Variants in CTR9 observed in about 807,000 individuals in gnomAD.
CTR9 encodes CTR9 component of Paf1/RNA polymerase II complex.
In CTR9, 41 loss-of-function variants were observed where a neutral mutation model predicts 152.1. The ratio of observed to expected loss-of-function variants is 0.27; its 90% CI spans 0.21 to 0.35. The LOEUF (loss-of-function observed/expected upper bound fraction) is 0.35, where lower values mean the gene tolerates loss of function less well. Among genes scored for constraint, CTR9 ranks in the 10% least tolerant of loss-of-function variants. CTR9 has a pLI of 1.00. For synonymous variants in CTR9, 476 were observed against 496.2 expected (o/e 0.96, Z 0.54); for missense variants, 917 against 1,424.4 (o/e 0.64, Z 5.73).
chr11:10,771,567 G>A lies in CTR9; in HGVS notation c.2395G>A (p.Val799Met). 1.9e-6 allele frequency: 3 copies of A among 1,611,128 alleles called. No individual in the cohort carries two copies. Among genetic ancestry groups the A allele is most frequent in the Non-Finnish European group, 1.7e-6 (2 of 1,177,352 alleles). ...AHRYFSYLSKVGDKMRFDLAL... is the reference protein window; with the variant it reads ...AHRYFSYLSKMGDKMRFDLAL... ...TAGATACTTCAGTTATTTGAGTAAAGTGGGAGATAAAATGAGATTTGATTT... is the reference window on the plus strand; with the variant it reads ...TAGATACTTCAGTTATTTGAGTAAAATGGGAGATAAAATGAGATTTGATTT... The change falls in exon 19 of 25, where the codon GTG becomes ATG. Residue 799 changes from valine to methionine, a missense_variant. Around this residue, in one of 9 missense-constraint regions of CTR9, gnomAD observed 106 missense variants for 157.8 expected, o/e 0.67. Coordinates refer to ENST00000361367, the MANE Select transcript of CTR9 (RefSeq NM_014633.5).
chr11:10,768,641 A>G (rs756624184), intron 16 of CTR9, 150 bp downstream of exon 16: 2 of 802,338 alleles, frequency 2.5e-6, no homozygotes, highest in Non-Finnish European at 3.6e-6. Context: ...TGCTAAGGCC[A>G]GGCTTTGGTA....
intron 21 of CTR9, 86 bp from the exon 22 acceptor site, chr11:10,773,926 G>A (rs1863186948): frequency 1.2e-5 from 9 of 761,280 alleles, no homozygotes; most frequent in Non-Finnish European, 1.4e-5. Context: ...AAATGACAAT[G>A]GATATGGCCC....
intron 12 of CTR9, 195 bp from the exon 13 acceptor site, chr11:10,766,207 A>G (rs1473093058): frequency 3.6e-6 from 2 of 550,152 alleles, no homozygotes; most frequent in Non-Finnish European, 6.3e-6. Context: ...TAGATTTCAA[A>G]CAGTAAGTCT....
chr11:10,760,128 T>TA (rs780929585), intron 5 of CTR9, 45 bp from the exon 6 acceptor site: 6 of 1,594,870 alleles, frequency 3.8e-6, no homozygotes, highest in Non-Finnish European at 5.1e-6. Flanking sequence ...AATTGAACTC[T>TA]AAAAAATGCC....
chr11:10,775,088 A>G (rs1299205078), intron 22 of CTR9, 119 bp from the exon 23 acceptor site: 1 of 754,674 alleles, frequency 1.3e-6, no homozygotes, highest in African/African-American at 1.8e-5. Flanking sequence ...GTACAGTATG[A>G]TTGAGGACAG....
In CTR9 at chr11:10,775,503, A is replaced by C. The variant is rs374942142; in HGVS notation, c.2983-18A>C. On this transcript the variant is annotated intron_variant, in intron 23 of 24. Transcript: ENST00000361367. ...ATGTAAGAGTCTTGACTAATCTATT[A>C]TGTTTGACATTCTTTAGCCCAAGCC... The C allele has an allele frequency of 1.4e-5, 22 of 1,592,726 alleles. No homozygotes were observed. Among genetic ancestry groups the C allele is most frequent in the Non-Finnish European group, 1.9e-5 (22 of 1,163,272 alleles).
chr11:10,770,184 T>TAA, intron 16 of CTR9, 26 bp from the exon 17 acceptor site: 2 of 1,482,902 alleles, frequency 1.3e-6, no homozygotes, highest in Non-Finnish European at 1.9e-6. Flanking sequence ...TGTTGTGTTT[T>TAA]AATTAACTTT....
chr11:10,762,082 A>G (rs772611433), intron 7 of CTR9, 28 bp downstream of exon 7: 57 of 1,412,530 alleles, frequency 4.0e-5, no homozygotes, highest in Non-Finnish European at 5.3e-5. Context: ...TTAAATTCTG[A>G]TTTTTGTTTT....
Position 10,751,324 on chromosome 11 carries a change from G to C in CTR9, c.-89G>C. On this transcript the variant is annotated 5_prime_UTR_variant, in exon 1 of 25. Transcript: ENST00000361367. ...GGCGGCAGTCAAGACCAGAGCCGGA[G>C]CCGTCACTCACCTCTGGATTAGCCT... 1 of 1,389,010 alleles carries C rather than the reference G, an allele frequency of 7.2e-7. No individual in the cohort carries two copies. The highest frequency in any genetic ancestry group is 1.0e-6 in the Non-Finnish European group (1 of 981,704). 86.0% of individuals were successfully genotyped at this position (1,389,010 alleles called of 1,614,324 possible).
intron 19 of CTR9, 52 bp downstream of exon 19, chr11:10,771,668 A>G (rs777494750): frequency 6.7e-6 from 9 of 1,343,862 alleles, no homozygotes; most frequent in Non-Finnish European, 9.6e-6. Context: ...TGATATTTAC[A>G]TGGGCTGGGA....
rs141609504 is a variant in CTR9, at chr11:10,779,036, G to A, written c.3453G>A (p.Ser1151=). 4.3e-5 allele frequency: 69 copies of A among 1,614,008 alleles called. No homozygotes were observed. The African/African-American group carries it at 6.8e-4, about 16-fold the overall frequency. The change falls in exon 25 of 25, where the codon TCG becomes TCA. Residue 1151 remains serine (S), a synonymous_variant. Transcript: ENST00000361367. ...EGSGQGSGNE[S]EPEGSNNEAS... ...CTGGCCAAGGCTCTGGAAATGAATC[G>A]GAACCAGAGGGATCCAACAATGAGG...
In CTR9 at chr11:10,765,170, G is replaced by T. The variant is rs539062539; in HGVS notation, c.1597+439G>T. On this transcript the variant is annotated intron_variant, in intron 12 of 24. Coordinates refer to ENST00000361367, the MANE Select transcript of CTR9 (RefSeq NM_014633.5). Reference sequence around the variant, plus strand: ...CGCAACCTATACGTTATAAAATAAGGAAAGTTTTTAATTAAAAAATAATTT... The same window carrying T: ...CGCAACCTATACGTTATAAAATAAGTAAAGTTTTTAATTAAAAAATAATTT... Among the ~76,000 whole-genome samples the T allele has an allele frequency of 1.2e-4, 18 of 152,176 alleles. 1 individual carries two copies. The South Asian group carries it at 3.7e-3, about 32-fold the overall frequency.
At chr11:10,757,863 A>C (rs1173289366) in intron 5 of CTR9, among the ~76,000 whole-genome samples, 2 of 152,224 alleles carry the variant, frequency 1.3e-5, no homozygotes, top group Non-Finnish European at 2.9e-5. Context: ...TATGAGAAGC[A>C]TCAGGAATTG....
rs1052262060 is a variant in CTR9 at position 10,772,508 on chromosome 11, G to A, written c.2445-12G>A. ...GTTACATTCATGTTTCTCTAAACCT[G>A]AAATGTTCTAGGCAGTGTTCTGACT... On this transcript the variant is annotated splice_polypyrimidine_tract_variant and intron_variant, in intron 19 of 24. Transcript: ENST00000361367. 2 of 1,433,904 alleles carry A rather than the reference G, an allele frequency of 1.4e-6. No homozygotes were observed. 88.8% of individuals were successfully genotyped at this position (1,433,904 alleles called of 1,614,324 possible). A position where few individuals can be genotyped will look rare whatever the true frequency, so the allele number is the denominator to read the frequency against.
At chr11:10,775,491 G>T in intron 23 of CTR9, 30 bp from the exon 24 acceptor site, 2 of 1,571,120 alleles carry the variant, frequency 1.3e-6, no homozygotes, top group African/African-American at 1.4e-5. Flanking sequence ...TAAGAGTCTT[G>T]ACTAATCTAT....
At chr11:10,755,890 A>G in intron 4 of CTR9, 95 bp downstream of exon 4, 1 of 653,418 alleles carries the variant, frequency 1.5e-6, no homozygotes, top group East Asian at 2.7e-5. Flanking sequence ...ACTCAGCTAG[A>G]CAGCAAAGTA....
chr11:10,755,861 T>C (rs1862876439), intron 4 of CTR9, 66 bp downstream of exon 4: 5 of 876,718 alleles, frequency 5.7e-6, no homozygotes, highest in Non-Finnish European at 9.2e-6. Context: ...ATATATCTCT[T>C]GGTAATAGCT....
At chr11:10,753,082 G>A (rs938180085) in intron 2 of CTR9, among the ~76,000 whole-genome samples, 18 of 152,194 alleles carry the variant, frequency 1.2e-4, no homozygotes, top group Admixed American at 7.9e-4. Context: ...GAAAAGAAGC[G>A]AAGTGCTTCT....
chr11:10,773,190 G>A lies in CTR9; in HGVS notation c.2644G>A (p.Val882Met), dbSNP rs746532994. 14 of 1,613,208 alleles carry A rather than the reference G, an allele frequency of 8.7e-6. No individual in the cohort carries two copies. Among genetic ancestry groups the A allele is most frequent in the Non-Finnish European group, 1.2e-5 (14 of 1,179,820 alleles). Residue 882 changes from valine (V) to methionine (M), a missense_variant, in exon 21 of 25, where the codon GTG (valine) becomes ATG (methionine). Transcript: ENST00000361367. ...ACTTTTGGAACAGCGGGCCCAGTAT[G>A]TGGAGAAGACCAAAAATATTCTTAT... Reference protein sequence around the residue: ...KKLLEQRAQYVEKTKNILMFT... With the variant: ...KKLLEQRAQYMEKTKNILMFT...
Sources: gnomAD v4.1 joint callset for allele counts (sites outside exome capture counted in the v4.1 genomes callset) on GRCh38, gnomAD v4.1.1 for gene constraint, gnomAD v4.1.1 regional missense constraint, MANE v1.5 for transcripts, NCBI Gene and HGNC (gene_info 2026-07-23, HGNC 2026-07-21) for gene names.